PAPPA2: variants seen among roughly 807,000 people sequenced by gnomAD.
PAPPA2 encodes the protein pappalysin-2.
In PAPPA2, 86 loss-of-function variants were observed where a neutral mutation model predicts 176.4. The ratio of observed to expected loss-of-function variants is 0.49; its 90% CI spans 0.41 to 0.58. The LOEUF (loss-of-function observed/expected upper bound fraction) is 0.58. Ranked by LOEUF, PAPPA2 falls within the 20% of genes least tolerant of loss-of-function variation. PAPPA2 has a pLI of 0.00. For synonymous variants in PAPPA2, 809 were observed against 852.2 expected (o/e 0.95, Z 0.88); for missense variants, 2,073 against 2,256.9 (o/e 0.92, Z 1.65).
intron 21 of PAPPA2, among the ~76,000 whole-genome samples, chr1:176,802,418 G>A (rs1358964323): frequency 6.6e-6 from 1 of 152,048 alleles, no homozygotes; most frequent in Non-Finnish European, 1.5e-5. Context: ...ATGCTCTAGG[G>A]GCAAATTGGC....
chr1:176,633,588 A>T (rs763852216), intron 3 of PAPPA2, among the ~76,000 whole-genome samples: 206 of 152,352 alleles, frequency 1.4e-3, no homozygotes, highest in Non-Finnish European at 1.7e-3. Flanking sequence ...GATTTGACAG[A>T]TGAAGAAACT....
At chr1:176,639,692 G>A (rs1256365804) in intron 3 of PAPPA2, among the ~76,000 whole-genome samples, 1 of 150,992 alleles carries the variant, frequency 6.6e-6, no homozygotes, top group Non-Finnish European at 1.5e-5. Flanking sequence ...GTGGCCAGTG[G>A]CCCATTTTCT....
At chr1:176,608,750 G>C (rs1464213730) in intron 3 of PAPPA2, among the ~76,000 whole-genome samples, 2 of 152,136 alleles carry the variant, frequency 1.3e-5, no homozygotes, top group Non-Finnish European at 2.9e-5. Context: ...GTTAGGAATA[G>C]GGAGAGCCCT....
intron 3 of PAPPA2, among the ~76,000 whole-genome samples, chr1:176,650,437 CT>C (rs1657653457): frequency 6.7e-6 from 1 of 149,892 alleles, no homozygotes; most frequent in Non-Finnish European, 1.5e-5. Flanking sequence ...ACTTTAAGTT[CT>C]AGGGTACATG....
intron 5 of PAPPA2, 154 bp downstream of exon 5, chr1:176,690,584 T>C (rs12128856): frequency 0.015 from 21,556 of 1,416,186 alleles, 191 homozygotes; most frequent in Non-Finnish European, 0.018. Flanking sequence ...TTATTATTTT[T>C]TCATGTCTTT....
intron 12 of PAPPA2, among the ~76,000 whole-genome samples, chr1:176,723,444 A>G (rs1661717221): frequency 6.7e-6 from 1 of 150,328 alleles, no homozygotes; most frequent in Non-Finnish European, 1.5e-5. Context: ...ACACCAAATA[A>G]TTTAGAAAGT....
intron 3 of PAPPA2, among the ~76,000 whole-genome samples, chr1:176,605,495 A>G (rs970172849): frequency 6.6e-6 from 1 of 152,256 alleles, no homozygotes; most frequent in African/African-American, 2.4e-5. Flanking sequence ...GTCTGTTAGC[A>G]ATCTGCTAGA....
chr1:176,555,221 C>T (rs997856750), intron 1 of PAPPA2, among the ~76,000 whole-genome samples, 186 bp from the exon 2 acceptor site: 3 of 151,984 alleles, frequency 2.0e-5, no homozygotes, highest in African/African-American at 4.8e-5. Context: ...TGGAGTGATG[C>T]ATTGAACTTA....
chr1:176,589,773 T>C (rs1448198896), intron 2 of PAPPA2, among the ~76,000 whole-genome samples: 1 of 152,200 alleles, frequency 6.6e-6, no homozygotes, highest in Non-Finnish European at 1.5e-5. Context: ...AATTATAAAA[T>C]CTCAATGTTG....
intron 21 of PAPPA2, among the ~76,000 whole-genome samples, chr1:176,810,210 G>T (rs1666089012): frequency 2.0e-5 from 3 of 152,100 alleles, no homozygotes; most frequent in Non-Finnish European, 4.4e-5. Context: ...TTTCTCCCAA[G>T]ATTACATACT....
In PAPPA2 at chr1:176,769,728, G is replaced by A. The variant is rs754629582; in HGVS notation, c.4445G>A (p.Gly1482Glu). Reference protein sequence around the residue: ...VNYANFSCSEGTKFLKRCSIS... With the variant: ...VNYANFSCSEETKFLKRCSIS... ...TATGCAAACTTCTCCTGCTCAGAGG[G>A]AACCAAATTTCTGAAACGCTGCTCA... Residue 1482 changes from glycine to glutamate, a missense_variant, in exon 16 of 23, where the codon GGA becomes GAA. This residue lies in a region of PAPPA2 where 846 missense variants were observed against 857.9 expected (regional missense o/e 0.99). Transcript: ENST00000367662. The A allele has an allele frequency of 1.2e-6, 2 of 1,612,884 alleles. No individual in the cohort carries two copies. Among genetic ancestry groups the A allele is most frequent in the Non-Finnish European group, 1.7e-6 (2 of 1,179,714 alleles).
At chr1:176,598,725 A>G (rs1300654927) in intron 3 of PAPPA2, among the ~76,000 whole-genome samples, 1 of 152,074 alleles carries the variant, frequency 6.6e-6, no homozygotes, top group East Asian at 1.9e-4. Flanking sequence ...TTCACCCTTA[A>G]AAAAATGTTT....
At chr1:176,581,297 T>C (rs959138395) in intron 2 of PAPPA2, among the ~76,000 whole-genome samples, 2 of 152,306 alleles carry the variant, frequency 1.3e-5, no homozygotes. Context: ...TTCTGGGTTC[T>C]CTATTATGTT....
chr1:176,706,875 A>T (rs2102828728), intron 10 of PAPPA2, among the ~76,000 whole-genome samples: 1 of 152,336 alleles, frequency 6.6e-6, no homozygotes, highest in Middle Eastern at 3.4e-3. Context: ...GTAAGGAAAC[A>T]TTCTAAGCCA....
intron 8 of PAPPA2, among the ~76,000 whole-genome samples, 167 bp downstream of exon 8, chr1:176,699,756 T>G (rs561618573): frequency 6.6e-6 from 1 of 152,158 alleles, no homozygotes; most frequent in Non-Finnish European, 1.5e-5. Context: ...GAAAAGCACT[T>G]CCCAGAAAGG....
At chr1:176,536,097 C>T (rs1242419653) in intron 1 of PAPPA2, among the ~76,000 whole-genome samples, 3 of 152,130 alleles carry the variant, frequency 2.0e-5, no homozygotes, top group Non-Finnish European at 2.9e-5. Context: ...TCCCCTGTCA[C>T]GGGTATCTCT....
chr1:176,793,695 C>A, intron 20 of PAPPA2, 26 bp downstream of exon 20: 1 of 1,525,294 alleles, frequency 6.6e-7, no homozygotes, highest in Non-Finnish European at 9.0e-7. Flanking sequence ...TTGTTATGTG[C>A]CAAAGACATG....
chr1:176,829,840 C>G (rs1292305724), intron 21 of PAPPA2, among the ~76,000 whole-genome samples: 1 of 152,182 alleles, frequency 6.6e-6, no homozygotes, highest in Non-Finnish European at 1.5e-5. Context: ...TGAGTGGCCA[C>G]CTAGAGAGGT....
At chr1:176,517,982 C>A (rs1649007370) in intron 1 of PAPPA2, among the ~76,000 whole-genome samples, 1 of 152,052 alleles carries the variant, frequency 6.6e-6, no homozygotes, top group Non-Finnish European at 1.5e-5. Context: ...GAAGGAAAGG[C>A]CAGTCATGGA....
Sources: allele counts gnomAD v4.1 joint callset (sites outside exome capture counted in the v4.1 genomes callset), GRCh38; gene constraint gnomAD v4.1.1; regional missense constraint gnomAD v4.1.1; transcripts MANE v1.5; gene names NCBI Gene and HGNC (gene_info 2026-07-23, HGNC 2026-07-21).